Variants in PDE9A observed in about 807,000 individuals in gnomAD.
PDE9A encodes the protein high affinity cGMP-specific 3',5'-cyclic phosphodiesterase 9A.
In PDE9A, 60 loss-of-function variants were observed where a neutral mutation model predicts 87.4. The observed-to-expected ratio is 0.69, with a 90% CI of 0.56 to 0.85. PDE9A has a LOEUF of 0.85. Ranked by LOEUF, PDE9A falls within the 40% of genes least tolerant of loss-of-function variation. PDE9A has a pLI of 0.00. For synonymous variants in PDE9A, 272 were observed against 279.4 expected, an observed-to-expected ratio of 0.97 and a Z score of 0.27; for missense variants, 665 against 779.0, an observed-to-expected ratio of 0.85 and a Z score of 1.74.
intron 17 of PDE9A, among the ~76,000 whole-genome samples, chr21:42,770,264 C>T (rs1221209005): frequency 6.6e-6 from 1 of 152,126 alleles, no homozygotes; most frequent in African/African-American, 2.4e-5. Context: ...TCTCTTGTTC[C>T]CCCCGGGGAT....
chr21:42,769,397 GCA>G (rs369718563), intron 17 of PDE9A, among the ~76,000 whole-genome samples: 4 of 109,114 alleles, frequency 3.7e-5, no homozygotes, highest in East Asian at 2.8e-4. Flanking sequence ...GCACACAAAT[GCA>G]CACACACGGC....
chr21:42,708,144 A>C (rs571096024), intron 4 of PDE9A, among the ~76,000 whole-genome samples: 2 of 152,236 alleles, frequency 1.3e-5, no homozygotes, highest in Non-Finnish European at 2.9e-5. Flanking sequence ...CTTTATAAGC[A>C]AAGCCACAGT....
At chr21:42,749,341 C>T (rs2054191981) in intron 8 of PDE9A, among the ~76,000 whole-genome samples, 1 of 152,170 alleles carries the variant, frequency 6.6e-6, no homozygotes, top group Admixed American at 6.5e-5. Flanking sequence ...CACCCACCAT[C>T]GTCCAAGTAC....
At chr21:42,724,858 G>A (rs556886860) in intron 4 of PDE9A, among the ~76,000 whole-genome samples, 60 of 152,312 alleles carry the variant, frequency 3.9e-4, no homozygotes, top group Non-Finnish European at 4.3e-4. Context: ...GCTTGTGCTC[G>A]AAATTAGATG....
intron 1 of PDE9A, among the ~76,000 whole-genome samples, chr21:42,663,147 A>G (rs1182317202): frequency 1.3e-5 from 2 of 150,312 alleles, no homozygotes; most frequent in African/African-American, 4.9e-5. Flanking sequence ...TGCACATCAC[A>G]CACCTGCATA....
At chr21:42,669,594 A>G (rs1271772905) in intron 1 of PDE9A, among the ~76,000 whole-genome samples, 1 of 151,554 alleles carries the variant, frequency 6.6e-6, no homozygotes, top group African/African-American at 2.4e-5. Flanking sequence ...GACAACCCAC[A>G]CCCCACTTGG....
At chr21:42,693,883 T>C (rs528226365) in intron 3 of PDE9A, among the ~76,000 whole-genome samples, 1 of 152,170 alleles carries the variant, frequency 6.6e-6, no homozygotes, top group East Asian at 1.9e-4. Context: ...TGAGCCACCA[T>C]GCCCAGCCCA....
chr21:42,733,351 C>A lies in PDE9A; in HGVS notation c.498-5C>A, dbSNP rs1465311073. On this transcript the variant is annotated splice_polypyrimidine_tract_variant and splice_region_variant and intron_variant, in intron 6 of 19. Coordinates refer to ENST00000291539, the MANE Select transcript of PDE9A (RefSeq NM_002606.3). ...TTTACTCTCTCTTTTCTTTTTCATT[C>A]CTAGAGCATTCAAAATCAATGAACT... is the stretch of plus-strand genomic sequence containing the variant. The A allele has an allele frequency of 1.3e-6, 2 of 1,558,592 alleles. No homozygotes were observed. The highest frequency in any genetic ancestry group is 1.8e-6 in the Non-Finnish European group (2 of 1,129,738).
intron 4 of PDE9A, 46 bp from the exon 5 acceptor site, chr21:42,731,724 G>C (rs1569213899): frequency 1.3e-6 from 2 of 1,574,948 alleles, no homozygotes; most frequent in Non-Finnish European, 8.6e-7. Context: ...GACACTAAGA[G>C]GAAACTTCCC....
At chr21:42,681,487 CT>C (rs1194579286) in intron 1 of PDE9A, among the ~76,000 whole-genome samples, 14 of 152,196 alleles carry the variant, frequency 9.2e-5, no homozygotes, top group Non-Finnish European at 2.1e-4. Flanking sequence ...ACATCTTAGA[CT>C]AGTGCTTGCC....
rs78993200 is a variant in PDE9A, at chr21:42,675,595, G to C, written c.70-10597G>C. 6.6e-6 allele frequency among the ~76,000 whole-genome samples: 1 copy of C among 152,214 alleles called. No individual in the cohort carries two copies. The highest frequency in any genetic ancestry group is 1.9e-4 in the East Asian group (1 of 5,196). On this transcript the variant is annotated intron_variant, in intron 1 of 19. Coordinates refer to ENST00000291539, the MANE Select transcript of PDE9A (RefSeq NM_002606.3). The surrounding 1 kb of genome is among the most constrained non-coding windows in gnomAD (Gnocchi z 4.3). ...TTCCGACAGCGCTGTGTGGATACAC[G>C]GGCCCGAACGGCGCCAGCCTCACTG...
intron 6 of PDE9A, 151 bp downstream of exon 6, chr21:42,732,275 T>C: frequency 1.4e-6 from 1 of 705,784 alleles, no homozygotes; most frequent in South Asian, 1.7e-5. Flanking sequence ...GGAAGCCTTC[T>C]GTGGCTTCTG....
rs140836666 is a variant in PDE9A, at chr21:42,762,177, G to A, written c.1180G>A (p.Ala394Thr). Reference sequence around the variant, plus strand: ...CTGCGCCGTGGCCTTCCAGATCCTCGCCGAGCCTGAGTGCAACATCTTCTC... The same window carrying A: ...CTGCGCCGTGGCCTTCCAGATCCTCACCGAGCCTGAGTGCAACATCTTCTC... ...HHCAVAFQIL[A>T]EPECNIFSNI... The change falls in exon 14 of 20, where the codon GCC becomes ACC. Residue 394 changes from alanine (A) to threonine (T), a missense_variant. Physicochemically the swap from Ala to Thr is moderately conservative, Grantham distance 58. Transcript: ENST00000291539. 1,162 of 1,614,120 alleles carry A rather than the reference G, an allele frequency of 7.2e-4. 6 individuals carry two copies. The highest frequency in any genetic ancestry group is 6.6e-3 in the African/African-American group (493 of 75,028).
intron 7 of PDE9A, among the ~76,000 whole-genome samples, chr21:42,734,986 C>T (rs1173634361): frequency 1.3e-5 from 2 of 152,192 alleles, no homozygotes; most frequent in Non-Finnish European, 2.9e-5. Context: ...TCCTTGATAA[C>T]GCAGGTTAGA....
intron 4 of PDE9A, among the ~76,000 whole-genome samples, chr21:42,715,027 T>C (rs1394956898): frequency 6.6e-6 from 1 of 152,228 alleles, no homozygotes; most frequent in East Asian, 1.9e-4. Flanking sequence ...TTGCTGTTTC[T>C]TGATCTTGGG....
At chr21:42,662,233 C>G (rs538484269) in intron 1 of PDE9A, among the ~76,000 whole-genome samples, 9 of 152,190 alleles carry the variant, frequency 5.9e-5, no homozygotes, top group East Asian at 1.9e-4. Flanking sequence ...GCCACCCCCC[C>G]AGGTTGTCAA....
At chr21:42,703,803 CAA>C (rs1200542734) in intron 4 of PDE9A, among the ~76,000 whole-genome samples, 2 of 152,220 alleles carry the variant, frequency 1.3e-5, no homozygotes, top group African/African-American at 4.8e-5. Flanking sequence ...CTAGGAGCCA[CAA>C]AGAGGCTTGA....
rs114600852 is a variant in PDE9A at position 42,760,552 on chromosome 21, T to C, written c.1002+120T>C. 2,371 of 666,164 alleles carry C rather than the reference T, an allele frequency of 3.6e-3. 41 individuals carry two copies. The African/African-American group carries it at 0.038, about 11-fold the overall frequency. 41.3% of individuals were successfully genotyped at this position (666,164 alleles called of 1,614,324 possible). Reference sequence around the variant, plus strand: ...CCACAGGCGTGGGGTCCCCAGCCGCTCCGCCCCTCCTAGGGACGCACCCCT... The same window carrying C: ...CCACAGGCGTGGGGTCCCCAGCCGCCCCGCCCCTCCTAGGGACGCACCCCT... On this transcript the variant is annotated intron_variant, in intron 12 of 19. Transcript: ENST00000291539. This position sits in a 1 kb window ranked among gnomAD's most constrained non-coding sequence, Gnocchi z 5.2.
rs890412957 is a variant in PDE9A at position 42,660,545 on chromosome 21, G to C, written c.69+6662G>C. On this transcript the variant is annotated intron_variant, in intron 1 of 19. Transcript: ENST00000291539. The surrounding 1 kb of genome is among the most constrained non-coding windows in gnomAD (Gnocchi z 4.7). ...CCGTGTACACCGCTCGGGTGACAGT[G>C]CACCAGAATCTCAGAAATCACCACT... is the stretch of plus-strand genomic sequence containing the variant. 6.6e-6 allele frequency among the ~76,000 whole-genome samples: 1 copy of C among 151,496 alleles called. No homozygotes were observed. The highest frequency in any genetic ancestry group is 1.5e-5 in the Non-Finnish European group (1 of 67,976).
Sources: allele counts gnomAD v4.1 joint callset (sites outside exome capture counted in the v4.1 genomes callset), GRCh38; gene constraint gnomAD v4.1.1; non-coding constraint Gnocchi (gnomAD v3.1); transcripts MANE v1.5; gene names NCBI Gene and HGNC (gene_info 2026-07-23, HGNC 2026-07-21).